The following NFASC variants were observed in gnomAD, a reference collection of about 807,000 sequenced individuals.
The protein encoded by NFASC is neurofascin homolog.
In NFASC, 43 loss-of-function variants were observed where a neutral mutation model predicts 147.5. The ratio of observed to expected loss-of-function variants is 0.29; its 90% confidence interval spans 0.23 to 0.38. NFASC has a LOEUF of 0.38. NFASC is among the 10% of genes least tolerant of loss of function. The pLI is 1.00. For synonymous variants in NFASC, 622 were observed against 665.5 expected, an observed-to-expected ratio of 0.93 and a Z score of 1.01; for missense variants, 1,320 against 1,689.0, an observed-to-expected ratio of 0.78 and a Z score of 3.83.
chr1:204,922,825 G>T (rs191335737), intron 2 of NFASC, among the ~76,000 whole-genome samples: 57 of 152,284 alleles, frequency 3.7e-4, no homozygotes, highest in African/African-American at 1.3e-3. Context: ...GCTGTTGAGC[G>T]TACAGTAAGT....
At position 204,975,184 on chromosome 1, in the gene NFASC, C is replaced by T. The variant is rs890253819; in HGVS notation, c.1559-87C>T. ...CCACTCCATAGTTGGCCCAAGGCCT[C>T]GAGGGCAGACATATGCCACTTTGTG... On this transcript the variant is annotated intron_variant, in intron 14 of 29. Coordinates refer to ENST00000339876, the MANE Select transcript of NFASC (RefSeq NM_001005388.3). The surrounding 1 kb of genome is among the most constrained non-coding windows in gnomAD (Gnocchi z 4.0). 1.8e-5 allele frequency: 26 copies of T among 1,472,206 alleles called. No homozygotes were observed. The African/African-American group carries it at 2.0e-4, about 11-fold the overall frequency. The allele number at this position is 1,472,206 out of a possible 1,614,324, so 91.2% of individuals were successfully genotyped here. A position where few individuals can be genotyped will look rare whatever the true frequency, so the allele number is the denominator to read the frequency against.
intron 1 of NFASC, among the ~76,000 whole-genome samples, chr1:204,867,409 C>CCACACA (rs34586429): frequency 0.017 from 2,425 of 146,876 alleles, 78 homozygotes; most frequent in African/African-American, 0.058. Context: ...TCAGAACTCA[C>CCACACA]CACACACACA....
chr1:205,015,357 G>A lies in NFASC; in HGVS notation c.3492-951G>A, dbSNP rs1265405595. On this transcript the variant is annotated intron_variant, in intron 29 of 29. Coordinates refer to ENST00000339876, the MANE Select transcript of NFASC (RefSeq NM_001005388.3). The surrounding 1 kb of genome is among the most constrained non-coding windows in gnomAD (Gnocchi z 4.0). The stretch of plus-strand genomic sequence containing the variant: ...TGAGCTGCCTCCTGCCCAGGAACTG[G>A]GCTAACCTCTGAAGTGCAGCCAGCA... Among the ~76,000 whole-genome samples, 1 of 152,132 alleles carries A rather than the reference G, an allele frequency of 6.6e-6. No individual in the cohort carries two copies. Among genetic ancestry groups the A allele is most frequent in the Non-Finnish European group, 1.5e-5 (1 of 68,028 alleles).
chr1:204,960,404 C>T lies in NFASC; in HGVS notation c.706+2578C>T, dbSNP rs115589983. 3.7e-3 allele frequency among the ~76,000 whole-genome samples: 569 copies of T among 152,302 alleles called. 3 individuals are homozygous for T. Among genetic ancestry groups the T allele is most frequent in the African/African-American group, 0.013 (538 of 41,550 alleles). On this transcript the variant is annotated intron_variant, in intron 8 of 29. Coordinates refer to ENST00000339876, the MANE Select transcript of NFASC (RefSeq NM_001005388.3). ...CACTCTGCCTATGCTGTAACAGGTG[C>T]TGGGTGCCTCCTGATGCAATAAGAG...
chr1:204,865,433 CA>C (rs918170986), intron 1 of NFASC, among the ~76,000 whole-genome samples: 1 of 152,104 alleles, frequency 6.6e-6, no homozygotes, highest in Non-Finnish European at 1.5e-5. Context: ...TTCAATAAGG[CA>C]GGGGGGACTA....
intron 21 of NFASC, chr1:204,983,927 A>G (rs2095556601): frequency 2.7e-6 from 2 of 739,064 alleles, no homozygotes; most frequent in Non-Finnish European, 4.8e-6. Context: ...TGGAATGCCC[A>G]GTGTTGAGTG....
intron 1 of NFASC, among the ~76,000 whole-genome samples, chr1:204,895,288 C>T (rs983336342): frequency 6.6e-6 from 1 of 152,144 alleles, no homozygotes; most frequent in African/African-American, 2.4e-5. Flanking sequence ...CTCAAGCTTT[C>T]AAGACCCAGA....
intron 1 of NFASC, among the ~76,000 whole-genome samples, chr1:204,875,865 T>G (rs1262133425): frequency 4.6e-5 from 7 of 152,248 alleles, no homozygotes; most frequent in Middle Eastern, 3.4e-3. Flanking sequence ...GAACTCTAAC[T>G]TCTATCAGAC....
chr1:204,834,976 C>G (rs573442933), intron 1 of NFASC, among the ~76,000 whole-genome samples: 1 of 152,212 alleles, frequency 6.6e-6, no homozygotes, highest in South Asian at 2.1e-4. Flanking sequence ...TCTAATTATT[C>G]TCATCATCAT....
intron 1 of NFASC, among the ~76,000 whole-genome samples, chr1:204,866,665 C>G (rs2077133650): frequency 6.6e-6 from 1 of 152,206 alleles, no homozygotes; most frequent in South Asian, 2.1e-4. Flanking sequence ...GTTTAGTAAA[C>G]ATTCACTGCA....
intron 27 of NFASC, among the ~76,000 whole-genome samples, chr1:205,006,477 G>T (rs909978865): frequency 3.3e-5 from 5 of 152,208 alleles, no homozygotes; most frequent in African/African-American, 1.2e-4. Flanking sequence ...TGCAAAGGTG[G>T]CAGTGAGCTA....
chr1:204,938,872 G>A (rs1401819334), intron 2 of NFASC, among the ~76,000 whole-genome samples: 1 of 152,216 alleles, frequency 6.6e-6, no homozygotes, highest in Non-Finnish European at 1.5e-5. Flanking sequence ...TATGTTTGAA[G>A]AGTGTCCAGG....
chr1:204,999,862 G>A (rs138444920), intron 25 of NFASC: 10 of 152,364 alleles, frequency 6.6e-5, no homozygotes, highest in South Asian at 2.1e-4. Context: ...GTGAGTTGGT[G>A]ACAGTGCCCC....
chr1:205,000,403 C>T (rs2095950786), intron 25 of NFASC: 1 of 152,440 alleles, frequency 6.6e-6, no homozygotes, highest in African/African-American at 2.4e-5. Context: ...GTCTGGATCA[C>T]CATTCTCCTC....
chr1:204,944,167 T>C, intron 2 of NFASC, 59 bp from the exon 3 acceptor site: 1 of 1,476,216 alleles, frequency 6.8e-7, no homozygotes, highest in Non-Finnish European at 9.1e-7. Flanking sequence ...CCTGTAGGAT[T>C]GCTAGAGCAA....
chr1:205,001,386 G>A, intron 26 of NFASC, 100 bp downstream of exon 26: 1 of 719,366 alleles, frequency 1.4e-6, no homozygotes, highest in South Asian at 1.6e-5. Flanking sequence ...ACTCCCCCAG[G>A]CTCAGAGAGG....
rs1443044712 is a variant in NFASC at position 204,986,122 on chromosome 1, T to A, written c.2471-1296T>A. The stretch of plus-strand genomic sequence containing the variant: ...TCACCACCCCGGAAGGAGGTAGGTC[T>A]GGCCTGCAGCTCTTCAGGGTGGGGC... On this transcript the variant is annotated intron_variant, in intron 21 of 29. Transcript: ENST00000339876. The surrounding 1 kb of genome is among the most constrained non-coding windows in gnomAD (Gnocchi z 4.2). 2.5e-6 allele frequency: 4 copies of A among 1,607,994 alleles called. No homozygotes were observed. Among genetic ancestry groups the A allele is most frequent in the African/African-American group, 2.7e-5 (2 of 74,826 alleles).
chr1:204,881,824 AC>A (rs1219772871), intron 1 of NFASC, among the ~76,000 whole-genome samples: 1 of 152,088 alleles, frequency 6.6e-6, no homozygotes, highest in East Asian at 1.9e-4. Context: ...TTTAGCAAGA[AC>A]CCTGCTAAGT....
intron 2 of NFASC, among the ~76,000 whole-genome samples, chr1:204,933,165 A>T (rs995588420): frequency 1.3e-5 from 2 of 152,222 alleles, no homozygotes; most frequent in African/African-American, 4.8e-5. Context: ...GAGCACTGAC[A>T]TGATCAGATC....
Sources: gnomAD v4.1 joint callset for allele counts (sites outside exome capture counted in the v4.1 genomes callset) on GRCh38, gnomAD v4.1.1 for gene constraint, Gnocchi (gnomAD v3.1) non-coding constraint, MANE v1.5 for transcripts, NCBI Gene and HGNC (gene_info 2026-07-23, HGNC 2026-07-21) for gene names.